QKI: variants seen among roughly 807,000 people sequenced by gnomAD.
QKI encodes the protein KH domain-containing RNA-binding protein QKI.
Under a neutral mutation model 39.0 loss-of-function variants are expected in QKI, and 10 were observed. That is an observed-to-expected ratio of 0.26 (90% CI 0.16 to 0.43). The LOEUF is 0.43. Among genes scored for constraint, QKI ranks in the 20% least tolerant of loss-of-function variants. QKI has a pLI of 1.00. For missense variants in QKI, 218 were observed against 428.0 expected, an observed-to-expected ratio of 0.51 and a Z score of 4.33; for synonymous variants, 204 against 155.4, an observed-to-expected ratio of 1.31 and a Z score of -2.33.
chr6:163,496,965 A>G (rs542476319), intron 3 of QKI, among the ~76,000 whole-genome samples: 1 of 152,224 alleles, frequency 6.6e-6, no homozygotes, highest in South Asian at 2.1e-4. Flanking sequence ...TTAAGGGAAT[A>G]TGTTCATTGA....
intron 1 of QKI, among the ~76,000 whole-genome samples, chr6:163,420,235 T>TA (rs1787893754): frequency 6.6e-6 from 1 of 151,024 alleles, no homozygotes. Flanking sequence ...TCAAGGGAAT[T>TA]ACACCAGTGT....
chr6:163,448,838 AGTT>A (rs370351038), intron 1 of QKI, among the ~76,000 whole-genome samples: 2 of 152,220 alleles, frequency 1.3e-5, no homozygotes, highest in African/African-American at 4.8e-5. Flanking sequence ...AGCACAGTGA[AGTT>A]AAATTCCATG....
chr6:163,536,962 A>C (rs1781246216), intron 4 of QKI, among the ~76,000 whole-genome samples: 1 of 152,100 alleles, frequency 6.6e-6, no homozygotes, highest in Non-Finnish European at 1.5e-5. Flanking sequence ...TAATCCCAAC[A>C]CTTTGGGATG....
chr6:163,555,382 A>G (rs758966784), intron 4 of QKI, among the ~76,000 whole-genome samples: 5 of 152,064 alleles, frequency 3.3e-5, no homozygotes, highest in Admixed American at 6.6e-5. Flanking sequence ...AAGCAAGACC[A>G]GTATGCGTGA....
At chr6:163,508,975 C>G (rs1779270467) in intron 3 of QKI, among the ~76,000 whole-genome samples, 1 of 151,772 alleles carries the variant, frequency 6.6e-6, no homozygotes, top group South Asian at 2.1e-4. Context: ...CCCAACTCTA[C>G]TAAAAATTGA....
At chr6:163,540,910 G>C (rs1037446562) in intron 4 of QKI, among the ~76,000 whole-genome samples, 3 of 151,784 alleles carry the variant, frequency 2.0e-5, no homozygotes, top group African/African-American at 7.3e-5. Flanking sequence ...TCTAGTTCTA[G>C]AGTTTTATCA....
At chr6:163,469,247 T>TG (rs1792007393) in intron 2 of QKI, among the ~76,000 whole-genome samples, 1 of 152,128 alleles carries the variant, frequency 6.6e-6, no homozygotes, top group Non-Finnish European at 1.5e-5. Flanking sequence ...TTGAAAAGCA[T>TG]GGGGTATGCC....
chr6:163,431,478 C>T (rs906624622), intron 1 of QKI, among the ~76,000 whole-genome samples: 1 of 148,960 alleles, frequency 6.7e-6, no homozygotes, highest in Admixed American at 6.7e-5. Context: ...CATGTTGTAA[C>T]TCATGCCTGG....
chr6:163,471,054 A>G (rs1792144608), intron 2 of QKI, among the ~76,000 whole-genome samples: 1 of 152,196 alleles, frequency 6.6e-6, no homozygotes, highest in Admixed American at 6.5e-5. Flanking sequence ...TATCATACTT[A>G]CTGATAAACA....
chr6:163,553,439 CTCTAT>C (rs1440226511), intron 4 of QKI, among the ~76,000 whole-genome samples: 1 of 152,072 alleles, frequency 6.6e-6, no homozygotes, highest in Non-Finnish European at 1.5e-5. Context: ...TAGAACAAGG[CTCTAT>C]TAAACTCCCA....
chr6:163,565,118 A>T, intron 6 of QKI: 1 of 1,012,592 alleles, frequency 9.9e-7, no homozygotes, highest in Non-Finnish European at 1.2e-6. Flanking sequence ...AAGTAATTGC[A>T]GGTCAGAATT....
At chr6:163,525,611 C>T (rs1420839928) in intron 3 of QKI, among the ~76,000 whole-genome samples, 1 of 152,250 alleles carries the variant, frequency 6.6e-6, no homozygotes, top group East Asian at 1.9e-4. Context: ...CCCCCCTCCC[C>T]GCCTCGGCCA....
At chr6:163,452,106 A>C (rs1293761951) in intron 1 of QKI, among the ~76,000 whole-genome samples, 1 of 152,240 alleles carries the variant, frequency 6.6e-6, no homozygotes, top group South Asian at 2.1e-4. Context: ...AGACACAGAG[A>C]GGTTGTAAGA....
chr6:163,472,088 A>T lies in QKI; in HGVS notation c.286-6692A>T, dbSNP rs917961256. Among the ~76,000 whole-genome samples, 6 of 152,258 alleles carry T rather than the reference A, an allele frequency of 3.9e-5. No homozygotes were observed. In the East Asian group the frequency reaches 1.2e-3, roughly 29 times the overall value. Reference sequence around the variant, plus strand: ...TCCCTTTGCGGTAAAAAATCCACGTATAACTTTTAACTACCTCCAAACGTA... The same window carrying T: ...TCCCTTTGCGGTAAAAAATCCACGTTTAACTTTTAACTACCTCCAAACGTA... On this transcript the variant is annotated intron_variant, in intron 2 of 7. Coordinates refer to ENST00000361752, the MANE Select transcript of QKI (RefSeq NM_006775.3).
intron 3 of QKI, among the ~76,000 whole-genome samples, chr6:163,523,856 C>G (rs1780309550): frequency 6.6e-6 from 1 of 152,096 alleles, no homozygotes; most frequent in East Asian, 1.9e-4. Context: ...TCTTTGCTTT[C>G]TAGAGCTTAC....
rs1257357783 is a variant in QKI, at chr6:163,566,117, G to A, written c.935-604G>A. 35 of 1,444,470 alleles carry A rather than the reference G, an allele frequency of 2.4e-5. No homozygotes were observed. In the East Asian group the frequency reaches 8.3e-4, roughly 34 times the overall value. The allele number at this position is 1,444,470 out of a possible 1,614,324, so 89.5% of individuals were successfully genotyped here. A position where few individuals can be genotyped will look rare whatever the true frequency, so the allele number is the denominator to read the frequency against. On this transcript the variant is annotated intron_variant, in intron 6 of 7. Coordinates refer to ENST00000361752, the MANE Select transcript of QKI (RefSeq NM_006775.3). ...GCACATAGATATAAAGTAAAATTAT[G>A]TTATTAATTTGGTTTAGTCTGTAAT... is the stretch of plus-strand genomic sequence containing the variant.
At chr6:163,542,845 C>T (rs943350478) in intron 4 of QKI, among the ~76,000 whole-genome samples, 8 of 151,938 alleles carry the variant, frequency 5.3e-5, no homozygotes, top group Admixed American at 5.3e-4. Flanking sequence ...CGACAAATTT[C>T]CACCTGCGGG....
rs73015343 is a variant in QKI, at chr6:163,448,054, A to G, written c.143-7225A>G. 5.8e-3 allele frequency among the ~76,000 whole-genome samples: 888 copies of G among 152,320 alleles called. 6 individuals are homozygous for G. Among genetic ancestry groups the G allele is most frequent in the Non-Finnish European group, 0.01 (698 of 68,024 alleles). ...GAGGTTCTTTTCTATAACCCCAGGA[A>G]CGTGTGTGCAACTTACTGTTAGGTA... On this transcript the variant is annotated intron_variant, in intron 1 of 7. Transcript: ENST00000361752.
intron 4 of QKI, among the ~76,000 whole-genome samples, chr6:163,558,457 C>T (rs1430154238): frequency 7.5e-5 from 11 of 146,212 alleles, no homozygotes; most frequent in African/African-American, 2.3e-4. Context: ...TGGAGTGCAA[C>T]GGCGCGATGT....
Sources: allele counts gnomAD v4.1 joint callset (sites outside exome capture counted in the v4.1 genomes callset), GRCh38; gene constraint gnomAD v4.1.1; transcripts MANE v1.5; gene names NCBI Gene and HGNC (gene_info 2026-07-23, HGNC 2026-07-21).